The following SNAP91 variants were observed in gnomAD, a reference collection of about 807,000 sequenced individuals.
The protein encoded by SNAP91 is clathrin coat assembly protein AP180.
Under a neutral mutation model 100.3 loss-of-function variants are expected in SNAP91, and 27 were observed. That is an observed-to-expected ratio of 0.27 (90% confidence interval 0.20 to 0.37). SNAP91 has a LOEUF of 0.37. Among genes scored for constraint, SNAP91 ranks in the 10% least tolerant of loss-of-function variants. SNAP91 has a pLI of 1.00. For missense variants in SNAP91, 986 were observed against 1,123.7 expected (o/e 0.88, Z 1.75); for synonymous variants, 404 against 398.6 (o/e 1.01, Z -0.16).
chr6:83,681,125 A>T (rs1190963743), intron 2 of SNAP91, among the ~76,000 whole-genome samples: 1 of 152,182 alleles, frequency 6.6e-6, no homozygotes, highest in Non-Finnish European at 1.5e-5. Context: ...TATATCTTAG[A>T]ATCACTAGGT....
chr6:83,671,762 C>A (rs2098790533), intron 2 of SNAP91, among the ~76,000 whole-genome samples: 1 of 151,996 alleles, frequency 6.6e-6, no homozygotes, highest in Non-Finnish European at 1.5e-5. Flanking sequence ...AAAATAGCAA[C>A]AAATATAAAT....
intron 26 of SNAP91, among the ~76,000 whole-genome samples, chr6:83,566,571 G>A (rs1289439841): frequency 6.6e-6 from 1 of 152,090 alleles, no homozygotes; most frequent in African/African-American, 2.4e-5. Flanking sequence ...CAAATAAATG[G>A]TCAAATAGTT....
chr6:83,596,033 G>T (rs1393075176), intron 16 of SNAP91, among the ~76,000 whole-genome samples: 2 of 152,134 alleles, frequency 1.3e-5, no homozygotes, highest in Non-Finnish European at 2.9e-5. Flanking sequence ...GTTCCTCTTT[G>T]TTATACTGAG....
intron 26 of SNAP91, among the ~76,000 whole-genome samples, chr6:83,561,413 T>C (rs965942136): frequency 2.0e-5 from 3 of 152,202 alleles, no homozygotes; most frequent in Admixed American, 2.0e-4. Flanking sequence ...TGAGTGGATA[T>C]GTAAAGAAAA....
At chr6:83,633,161 T>A (rs2097279938) in intron 8 of SNAP91, among the ~76,000 whole-genome samples, 1 of 152,196 alleles carries the variant, frequency 6.6e-6, no homozygotes, top group South Asian at 2.1e-4. Context: ...CTCTTCTGGA[T>A]CTAGCCACCC....
intron 16 of SNAP91, among the ~76,000 whole-genome samples, chr6:83,596,187 T>G (rs1237251474): frequency 6.6e-6 from 1 of 152,172 alleles, no homozygotes; most frequent in East Asian, 1.9e-4. Flanking sequence ...CCTCACGGAC[T>G]GGGATTACAG....
In SNAP91 at chr6:83,553,452, C is replaced by T. The variant is rs1359370795; in HGVS notation, c.*844G>A. ...TTACAGATATACCTTGGGGTGCCTT[C>T]AGAATCACTTGAATAGCACCTCTCT... On this transcript the variant is annotated 3_prime_UTR_variant, in exon 30 of 30. Transcript: ENST00000369694. 2 of 152,128 alleles carry T rather than the reference C, an allele frequency of 1.3e-5. No homozygotes were observed. Among genetic ancestry groups the T allele is most frequent in the Non-Finnish European group, 2.9e-5 (2 of 68,016 alleles). 9.4% of individuals were successfully genotyped at this position (152,128 alleles called of 1,614,324 possible). A position where few individuals can be genotyped will look rare whatever the true frequency, so the allele number is the denominator to read the frequency against.
intron 11 of SNAP91, chr6:83,611,393 C>G: frequency 2.2e-6 from 1 of 447,878 alleles, no homozygotes; most frequent in Middle Eastern, 3.3e-4. Flanking sequence ...TATTGCAGAT[C>G]ACTTCTAGGA....
rs1829522310 is a variant in SNAP91, at chr6:83,582,236, G to A, written c.2135C>T (p.Ser712Phe). ...GTTPSTSSSS[S>F]FDPSVFDGLG... ...CACTGCCTCACCTGATGGATCAAAG[G>A]AGCTGCTGCTGGAAGTTGAAGGCGT... The change falls in exon 23 of 30, where the codon TCC (serine) becomes TTC (phenylalanine). Residue 712 changes from serine to phenylalanine, a missense_variant. Ser to Phe is a radical substitution (Grantham distance 155). Around this residue, in one of 4 missense-constraint regions of SNAP91, gnomAD observed 575 missense variants for 579.9 expected, o/e 0.99. Transcript: ENST00000369694. 6.2e-7 allele frequency: 1 copy of A among 1,613,566 alleles called. No individual in the cohort carries two copies. The highest frequency in any genetic ancestry group is 8.5e-7 in the Non-Finnish European group (1 of 1,179,690).
intron 11 of SNAP91, among the ~76,000 whole-genome samples, chr6:83,612,287 T>C (rs1562339669): frequency 6.6e-6 from 1 of 152,012 alleles, no homozygotes; most frequent in East Asian, 1.9e-4. Flanking sequence ...CTACAGTAAA[T>C]TCCTTAAGAA....
chr6:83,626,679 A>G (rs1341400728), intron 8 of SNAP91, among the ~76,000 whole-genome samples: 3 of 152,034 alleles, frequency 2.0e-5, no homozygotes, highest in South Asian at 4.2e-4. Context: ...GTGCATAGAG[A>G]TGCTATTGAT....
intron 22 of SNAP91, among the ~76,000 whole-genome samples, chr6:83,589,942 C>T (rs2093477004): frequency 6.6e-6 from 1 of 152,128 alleles, no homozygotes; most frequent in Admixed American, 6.5e-5. Flanking sequence ...GCTATATCCA[C>T]ACTAAAAAAG....
In SNAP91 at chr6:83,667,152, A is replaced by T. The variant is rs146447331; in HGVS notation, c.131-1571T>A. 1.9e-3 allele frequency among the ~76,000 whole-genome samples: 289 copies of T among 152,254 alleles called. 3 individuals carry two copies. The highest frequency in any genetic ancestry group is 4.7e-3 in the Admixed American group (71 of 15,266). ...TTACAAAATAACGCATGGGTAAAAAAATGCATTCAAAGTACCATATAGACC... is the reference window on the plus strand; with the variant it reads ...TTACAAAATAACGCATGGGTAAAAATATGCATTCAAAGTACCATATAGACC... On this transcript the variant is annotated intron_variant, in intron 2 of 29. Transcript: ENST00000369694.
At chr6:83,564,804 T>C (rs1359917955) in intron 26 of SNAP91, among the ~76,000 whole-genome samples, 1 of 151,876 alleles carries the variant, frequency 6.6e-6, no homozygotes, top group East Asian at 1.9e-4. Flanking sequence ...ATAAAACTCC[T>C]GGAAAGAAAC....
chr6:83,582,496 A>G (rs1349578165), intron 22 of SNAP91, 140 bp from the exon 23 acceptor site: 3 of 855,616 alleles, frequency 3.5e-6, no homozygotes, highest in Non-Finnish European at 5.1e-6. Flanking sequence ...AGAGAAGCTC[A>G]TTTCTGAAAA....
intron 8 of SNAP91, among the ~76,000 whole-genome samples, chr6:83,637,662 A>T (rs1446287409): frequency 6.6e-6 from 1 of 152,160 alleles, no homozygotes; most frequent in Non-Finnish European, 1.5e-5. Flanking sequence ...GGGAAAGAAG[A>T]TGTGGCTTTC....
At position 83,628,222 on chromosome 6, in the gene SNAP91, CATATAT is replaced by C. The variant is rs57893971; in HGVS notation, c.766-4886_766-4881del. ...TATAGCTAAGTAATATTCCATTTTA[CATATAT>C]ATATATATATATATATATCACAGTT... On this transcript the variant is annotated intron_variant, in intron 8 of 29. Transcript: ENST00000369694. 8.3e-3 allele frequency among the ~76,000 whole-genome samples: 1,037 copies of C among 124,692 alleles called. 40 individuals are homozygous for C. The highest frequency in any genetic ancestry group is 0.028 in the African/African-American group (949 of 33,558). The allele number at this position is 124,692 out of a possible 152,430, so 81.8% of individuals were successfully genotyped here. A position where few individuals can be genotyped will look rare whatever the true frequency, so the allele number is the denominator to read the frequency against.
At chr6:83,664,027 C>T (rs760545940) in intron 3 of SNAP91, among the ~76,000 whole-genome samples, 52 of 152,016 alleles carry the variant, frequency 3.4e-4, no homozygotes, top group Non-Finnish European at 5.3e-4. Flanking sequence ...CAACAAAGCC[C>T]GGATGATAGC....
At chr6:83,567,894 G>T (rs1275939092) in intron 26 of SNAP91, among the ~76,000 whole-genome samples, 1 of 152,072 alleles carries the variant, frequency 6.6e-6, no homozygotes, top group Non-Finnish European at 1.5e-5. Flanking sequence ...TACACTGTTG[G>T]TGGGACTGTA....
Sources: allele counts gnomAD v4.1 joint callset (sites outside exome capture counted in the v4.1 genomes callset), GRCh38; gene constraint gnomAD v4.1.1; regional missense constraint gnomAD v4.1.1; transcripts MANE v1.5; gene names NCBI Gene and HGNC (gene_info 2026-07-23, HGNC 2026-07-21).